Variants in MTFR1 observed in about 807,000 individuals in gnomAD.
The protein encoded by MTFR1 is chondrocyte protein with a poly-proline region.
A neutral mutation model predicts 38.8 loss-of-function variants in MTFR1; 28 were observed. The observed-to-expected ratio is 0.72, with a 90% CI of 0.53 to 0.99. The LOEUF (loss-of-function observed/expected upper bound fraction) is 0.99, where lower values mean the gene tolerates loss of function less well. MTFR1 is among the 50% of genes least tolerant of loss of function. The pLI is 0.00. For missense variants in MTFR1, 358 were observed against 395.5 expected (o/e 0.91, Z 0.81); for synonymous variants, 145 against 137.0 (o/e 1.06, Z -0.41).
At chr8:65,660,080 G>A (rs376048716) in intron 1 of MTFR1, among the ~76,000 whole-genome samples, 64 of 152,026 alleles carry the variant, frequency 4.2e-4, no homozygotes, top group Non-Finnish European at 7.9e-4. Context: ...ACCTGAGGTC[G>A]GGAATTCAAG....
chr8:65,649,320 G>T (rs1003205730), intron 1 of MTFR1, among the ~76,000 whole-genome samples: 3 of 152,026 alleles, frequency 2.0e-5, no homozygotes, highest in Non-Finnish European at 4.4e-5. Context: ...GAGTAGCTGG[G>T]ATTACAGGAC....
At chr8:65,775,371 A>G (rs185992387), downstream of MTFR1, among the ~76,000 whole-genome samples, 1 of 152,292 alleles carries the variant, frequency 6.6e-6, no homozygotes, top group East Asian at 1.9e-4. Context: ...TAGTTGACTT[A>G]TTTCATTCTT....
downstream of MTFR1, among the ~76,000 whole-genome samples, chr8:65,776,040 C>T (rs1426381453): frequency 6.6e-6 from 1 of 152,196 alleles, no homozygotes; most frequent in Non-Finnish European, 1.5e-5. Flanking sequence ...GCTTCCCCTA[C>T]ACCATATCCA....
At chr8:65,677,622 C>T (rs935577905) in intron 2 of MTFR1, among the ~76,000 whole-genome samples, 4 of 151,140 alleles carry the variant, frequency 2.6e-5, no homozygotes, top group Non-Finnish European at 4.4e-5. Flanking sequence ...GCTCGTGACC[C>T]GCCCACCTCG....
exon 4 of MTFR1, chr8:65,770,955 C>A: frequency 3.9e-6 from 1 of 257,348 alleles, no homozygotes; most frequent in South Asian, 3.7e-5. Context: ...AGAAAAGACT[C>A]GTTAAAGTCA....
chr8:65,739,833 A>G (rs1345147222), intron 3 of MTFR1, among the ~76,000 whole-genome samples: 2 of 152,208 alleles, frequency 1.3e-5, no homozygotes, highest in African/African-American at 4.8e-5. Flanking sequence ...AGAACTGAAA[A>G]CTAGACATTT....
chr8:65,645,470 T>G (rs1314694378), intron 1 of MTFR1, among the ~76,000 whole-genome samples: 2 of 152,258 alleles, frequency 1.3e-5, no homozygotes, highest in African/African-American at 4.8e-5. Context: ...AGGAATTCAC[T>G]GTACTCATTA....
At chr8:65,742,157 A>C (rs1314514112) in intron 3 of MTFR1, among the ~76,000 whole-genome samples, 1 of 152,254 alleles carries the variant, frequency 6.6e-6, no homozygotes, top group Non-Finnish European at 1.5e-5. Flanking sequence ...TTCTTGAAAA[A>C]GAAAATTGTA....
intron 3 of MTFR1, among the ~76,000 whole-genome samples, chr8:65,686,778 C>A (rs1291983072): frequency 6.6e-6 from 1 of 151,842 alleles, no homozygotes; most frequent in Non-Finnish European, 1.5e-5. Context: ...CAAAAATTAG[C>A]CGGGCGTGGT....
intron 1 of MTFR1, among the ~76,000 whole-genome samples, chr8:65,657,616 ATCAC>A (rs1416409853): frequency 6.6e-6 from 1 of 151,994 alleles, no homozygotes; most frequent in Non-Finnish European, 1.5e-5. Context: ...AGGCAGGAGA[ATCAC>A]TCGAGCCCCA....
At chr8:65,718,969 G>A (rs1400444860) in intron 2 of MTFR1, 7 of 342,224 alleles carry the variant, frequency 2.0e-5, no homozygotes, top group East Asian at 6.0e-5. Context: ...CAAGTTTCAC[G>A]TTTTGAAGAT....
intron 2 of MTFR1, among the ~76,000 whole-genome samples, chr8:65,673,510 C>T (rs779673872): frequency 2.0e-5 from 3 of 151,524 alleles, no homozygotes; most frequent in East Asian, 1.9e-4. Context: ...ACCTGGATGA[C>T]GGGTTGATGG....
downstream of MTFR1, among the ~76,000 whole-genome samples, chr8:65,711,369 A>ATACTT (rs146145192): frequency 0.041 from 6,309 of 152,290 alleles, 193 homozygotes; most frequent in Non-Finnish European, 0.062. Flanking sequence ...GCAGAAACAA[A>ATACTT]TACTTTGAAA....
At chr8:65,754,281 C>T (rs1330279122) in intron 3 of MTFR1, among the ~76,000 whole-genome samples, 1 of 152,046 alleles carries the variant, frequency 6.6e-6, no homozygotes, top group Non-Finnish European at 1.5e-5. Context: ...TCTGCCTTTC[C>T]CAGCCCACTC....
At position 65,744,834 on chromosome 8, in the gene MTFR1, T is replaced by C. The variant is rs116954523; in HGVS notation, c.*48+25353T>C. Among the ~76,000 whole-genome samples, 82 of 152,374 alleles carry C rather than the reference T, an allele frequency of 5.4e-4. 1 individual carries two copies. The East Asian group carries it at 0.014, about 27-fold the overall frequency. ...ATGATACTAATGATGATTTGATTAC[T>C]TTTAAGGACAATAATCAAAACATAA... On this transcript the variant is annotated intron_variant, in intron 3 of 3. Coordinates refer to the MTFR1 transcript ENST00000521247.
intron 3 of MTFR1, chr8:65,723,622 C>T (rs1432570789): frequency 6.5e-7 from 1 of 1,539,474 alleles, no homozygotes; most frequent in Non-Finnish European, 8.7e-7. Context: ...TCTATATCTC[C>T]TATAAATTAA....
intron 6 of MTFR1, 88 bp from the exon 7 acceptor site, chr8:65,707,755 T>C: frequency 6.6e-7 from 1 of 1,503,818 alleles, no homozygotes; most frequent in Non-Finnish European, 9.0e-7. Context: ...GCTGGAGAGG[T>C]GCTGTCAGGC....
Position 65,709,244 on chromosome 8 carries a change from C to T in MTFR1, c.*200C>T. 1.8e-6 allele frequency: 1 copy of T among 552,666 alleles called. No homozygotes were observed. Among genetic ancestry groups the T allele is most frequent in the East Asian group, 3.0e-5 (1 of 33,846 alleles). 34.2% of individuals were successfully genotyped at this position (552,666 alleles called of 1,614,324 possible). A position where few individuals can be genotyped will look rare whatever the true frequency, so the allele number is the denominator to read the frequency against. ...TGAGATGGTCAGCTTTGGTGCTCTC[C>T]ACAACATGTGTGTTCTGACATGTTT... On this transcript the variant is annotated 3_prime_UTR_variant, in exon 8 of 8. Transcript: ENST00000262146.
chr8:65,676,217 C>T (rs1315183272), intron 2 of MTFR1, among the ~76,000 whole-genome samples: 1 of 152,162 alleles, frequency 6.6e-6, no homozygotes, highest in African/African-American at 2.4e-5. Context: ...TTTGTTGGGT[C>T]CTAACTTTTT....
Sources: allele counts gnomAD v4.1 joint callset (sites outside exome capture counted in the v4.1 genomes callset), GRCh38; gene constraint gnomAD v4.1.1; transcripts MANE v1.5; gene names NCBI Gene and HGNC (gene_info 2026-07-23, HGNC 2026-07-21).